The following ABTB2 variants were observed in gnomAD, a reference collection of about 807,000 sequenced individuals.
The protein encoded by ABTB2 is ankyrin repeat and BTB/POZ domain-containing protein 2.
Under a neutral mutation model 104.1 loss-of-function variants are expected in ABTB2, and 56 were observed. The observed-to-expected ratio is 0.54, with a 90% CI of 0.43 to 0.67. ABTB2 has a LOEUF of 0.67. Ranked by LOEUF, ABTB2 falls within the 30% of genes least tolerant of loss-of-function variation. ABTB2 has a pLI of 0.00. For synonymous variants in ABTB2, 606 were observed against 608.2 expected (o/e 1.00, Z 0.05); for missense variants, 1,279 against 1,407.7 (o/e 0.91, Z 1.46).
intron 1 of ABTB2, among the ~76,000 whole-genome samples, chr11:34,264,619 G>A (rs760040155): frequency 6.6e-6 from 1 of 152,224 alleles, no homozygotes; most frequent in Non-Finnish European, 1.5e-5. Flanking sequence ...GATCAAAGAA[G>A]CCCAAACGGA....
rs1170701496 is a variant in ABTB2 at position 34,214,175 on chromosome 11, C to CACACACAG, written c.884-9486_884-9485insCTGTGTGT. Among the ~76,000 whole-genome samples the CACACACAG allele has an allele frequency of 1.3e-4, 20 of 149,292 alleles. 2 individuals are homozygous for CACACACAG. The South Asian group carries it at 4.3e-3, about 32-fold the overall frequency. On this transcript the variant is annotated intron_variant, in intron 1 of 16. Transcript: ENST00000435224. ...ACACACACACACACACACACACACA[C>CACACACAG]AAAGTAAATGGAGAAATTAAGGATG...
chr11:34,184,239 G>GA (rs1200769505), intron 3 of ABTB2, among the ~76,000 whole-genome samples: 5 of 151,378 alleles, frequency 3.3e-5, no homozygotes, highest in African/African-American at 7.3e-5. Context: ...GTTCTTTTCA[G>GA]AAAAAAAAGG....
At chr11:34,288,111 T>C (rs898711960) in intron 1 of ABTB2, among the ~76,000 whole-genome samples, 8 of 152,240 alleles carry the variant, frequency 5.3e-5, no homozygotes, top group Non-Finnish European at 1.2e-4. Context: ...ATATTTCAAC[T>C]CATTTCCCCC....
intron 1 of ABTB2, among the ~76,000 whole-genome samples, chr11:34,260,643 T>C (rs1021924419): frequency 6.6e-6 from 1 of 152,210 alleles, no homozygotes; most frequent in Non-Finnish European, 1.5e-5. Flanking sequence ...GATAGCACCA[T>C]TGGAAGAATT....
At chr11:34,160,068 G>T in intron 12 of ABTB2, 60 bp from the exon 13 acceptor site, 3 of 1,465,980 alleles carry the variant, frequency 2.0e-6, no homozygotes, top group East Asian at 2.3e-5. Context: ...GGGTTTGCTT[G>T]AGTGTGCTGT....
intron 11 of ABTB2, 118 bp from the exon 12 acceptor site, chr11:34,160,471 T>C (rs1852695756): frequency 2.8e-6 from 2 of 712,938 alleles, no homozygotes; most frequent in Non-Finnish European, 4.9e-6. Flanking sequence ...CGCTATCTTT[T>C]GTTCCTGCTG....
chr11:34,310,064 A>G (rs921635780), intron 1 of ABTB2, among the ~76,000 whole-genome samples: 4 of 152,172 alleles, frequency 2.6e-5, no homozygotes, highest in Non-Finnish European at 1.5e-5. Flanking sequence ...CTTCTATTAC[A>G]TTGAGCAATC....
chr11:34,226,764 A>G (rs1351158679), intron 1 of ABTB2, among the ~76,000 whole-genome samples: 4 of 152,134 alleles, frequency 2.6e-5, no homozygotes, highest in Non-Finnish European at 5.9e-5. Flanking sequence ...CATCACCCCA[A>G]AAAGAAAACG....
chr11:34,167,187 G>T, intron 7 of ABTB2, 72 bp downstream of exon 7: 1 of 1,398,448 alleles, frequency 7.2e-7, no homozygotes, highest in Non-Finnish European at 9.9e-7. Flanking sequence ...CTCAGCTGAG[G>T]CTGGGGCTGT....
At chr11:34,324,007 G>A (rs1429695234) in intron 1 of ABTB2, among the ~76,000 whole-genome samples, 1 of 147,370 alleles carries the variant, frequency 6.8e-6, no homozygotes, top group Non-Finnish European at 1.5e-5. Flanking sequence ...TCTGCCTCCT[G>A]GTTTCAAACA....
chr11:34,256,428 C>T (rs766347347), intron 1 of ABTB2, among the ~76,000 whole-genome samples: 1 of 152,106 alleles, frequency 6.6e-6, no homozygotes, highest in South Asian at 2.1e-4. Context: ...GAGAAACAAA[C>T]CCGGTTTTGT....
intron 1 of ABTB2, among the ~76,000 whole-genome samples, chr11:34,320,458 GCCATTTCAGCTGTAGA>G (rs1854986154): frequency 6.6e-6 from 1 of 152,162 alleles, no homozygotes. Context: ...AGCTGAAAAG[GCCATTTCAGCTGTAGA>G]CCATTTCAAT....
At chr11:34,273,885 G>A (rs886734531) in intron 1 of ABTB2, among the ~76,000 whole-genome samples, 4 of 151,942 alleles carry the variant, frequency 2.6e-5, no homozygotes, top group Non-Finnish European at 4.4e-5. Context: ...GGGCGCGGTG[G>A]CTCACGCCTG....
intron 1 of ABTB2, among the ~76,000 whole-genome samples, chr11:34,305,120 T>G (rs1854755143): frequency 6.6e-6 from 1 of 152,186 alleles, no homozygotes; most frequent in South Asian, 2.1e-4. Context: ...AAAGAAAACA[T>G]GGGCTCTGAA....
At chr11:34,293,373 C>T (rs568293419) in intron 1 of ABTB2, among the ~76,000 whole-genome samples, 6 of 152,100 alleles carry the variant, frequency 3.9e-5, no homozygotes, top group Middle Eastern at 3.4e-3. Flanking sequence ...GTAGTACTTG[C>T]GAAGTGACTC....
At chr11:34,177,651 A>G (rs963392584) in intron 3 of ABTB2, among the ~76,000 whole-genome samples, 2 of 152,236 alleles carry the variant, frequency 1.3e-5, no homozygotes, top group Middle Eastern at 3.4e-3. Context: ...AGCAATAGCA[A>G]AGTCTTTTTT....
intron 1 of ABTB2, among the ~76,000 whole-genome samples, chr11:34,290,580 C>T (rs985228042): frequency 3.2e-4 from 49 of 152,278 alleles, no homozygotes; most frequent in African/African-American, 1.2e-3. Flanking sequence ...GTGGCTCACA[C>T]CTGTAAATCC....
At chr11:34,308,367 C>T (rs1399892655) in intron 1 of ABTB2, among the ~76,000 whole-genome samples, 1 of 152,192 alleles carries the variant, frequency 6.6e-6, no homozygotes, top group African/African-American at 2.4e-5. Flanking sequence ...GAAATGACAG[C>T]TAACAGCATT....
chr11:34,303,306 G>A (rs1366060029), intron 1 of ABTB2, among the ~76,000 whole-genome samples: 2 of 152,166 alleles, frequency 1.3e-5, no homozygotes, highest in South Asian at 2.1e-4. Flanking sequence ...CCACTCCATC[G>A]CACAGCCTAC....
Sources: gnomAD v4.1 joint callset for allele counts (sites outside exome capture counted in the v4.1 genomes callset) on GRCh38, gnomAD v4.1.1 for gene constraint, MANE v1.5 for transcripts, NCBI Gene and HGNC (gene_info 2026-07-23, HGNC 2026-07-21) for gene names.